GRIK2: variants seen among roughly 807,000 people sequenced by gnomAD.
GRIK2 encodes glutamate ionotropic receptor kainate type subunit 2, also known as glutamate receptor ionotropic, kainate 2.
A neutral mutation model predicts 100.3 loss-of-function variants in GRIK2; 32 were observed. The ratio of observed to expected loss-of-function variants is 0.32; its 90% confidence interval spans 0.24 to 0.43. GRIK2 has a LOEUF of 0.43. Among genes scored for constraint, GRIK2 ranks in the 20% least tolerant of loss-of-function variants. GRIK2 has a pLI of 1.00. For missense variants in GRIK2, 843 were observed against 1,114.9 expected (o/e 0.76, Z 3.47); for synonymous variants, 417 against 389.4 (o/e 1.07, Z -0.83).
At chr6:101,706,575 G>T (rs1773312378) in intron 7 of GRIK2, among the ~76,000 whole-genome samples, 2 of 151,934 alleles carry the variant, frequency 1.3e-5, no homozygotes, top group Admixed American at 6.6e-5. Flanking sequence ...ATATGCCTGT[G>T]AAAGATAAAC....
At position 102,005,695 on chromosome 6, in the gene GRIK2, C is replaced by T. The variant is rs12055471; in HGVS notation, c.2086-29646C>T. ...ATTTAGTCCAGTAAATTTGCTTTTACGCCAAACCTCAAACGTAATCAGTGA... is the reference window on the plus strand; with the variant it reads ...ATTTAGTCCAGTAAATTTGCTTTTATGCCAAACCTCAAACGTAATCAGTGA... On this transcript the variant is annotated intron_variant, in intron 14 of 16. Transcript: ENST00000369134. 5.5e-4 allele frequency among the ~76,000 whole-genome samples: 84 copies of T among 152,160 alleles called. No individual in the cohort carries two copies. The East Asian group carries it at 8.7e-3, about 16-fold the overall frequency.
At chr6:102,044,900 G>A (rs1770800541) in intron 15 of GRIK2, among the ~76,000 whole-genome samples, 1 of 151,830 alleles carries the variant, frequency 6.6e-6, no homozygotes, top group Non-Finnish European at 1.5e-5. Context: ...TTCCTAGGCT[G>A]CCACAGAAAT....
At chr6:101,974,857 T>C (rs1035023968) in intron 14 of GRIK2, among the ~76,000 whole-genome samples, 4 of 151,940 alleles carry the variant, frequency 2.6e-5, no homozygotes, top group African/African-American at 9.7e-5. Flanking sequence ...ATAAAACAGT[T>C]AATCAATCAA....
chr6:101,537,249 A>G (rs113131270), intron 2 of GRIK2, among the ~76,000 whole-genome samples: 1 of 151,844 alleles, frequency 6.6e-6, no homozygotes, highest in African/African-American at 2.4e-5. Flanking sequence ...TGAAAAGGAA[A>G]TTGTATTTTT....
chr6:101,950,778 G>A (rs1582600849), intron 14 of GRIK2, among the ~76,000 whole-genome samples: 1 of 151,844 alleles, frequency 6.6e-6, no homozygotes, highest in South Asian at 2.1e-4. Flanking sequence ...TAACAGTAGT[G>A]GGAGCCAGGA....
chr6:101,705,250 T>G (rs1773184233), intron 7 of GRIK2, among the ~76,000 whole-genome samples: 1 of 151,562 alleles, frequency 6.6e-6, no homozygotes, highest in Non-Finnish European at 1.5e-5. Context: ...CTTGCTTGCT[T>G]AGTAAAGTAA....
intron 10 of GRIK2, among the ~76,000 whole-genome samples, chr6:101,836,160 G>A (rs1205441848): frequency 1.3e-5 from 2 of 151,820 alleles, no homozygotes; most frequent in Non-Finnish European, 2.9e-5. Context: ...TATGTGGCCT[G>A]TATTTTTCCT....
chr6:101,580,900 A>G (rs868578976), intron 2 of GRIK2, among the ~76,000 whole-genome samples: 3 of 152,050 alleles, frequency 2.0e-5, no homozygotes, highest in Admixed American at 6.6e-5. Context: ...GATGATTTGC[A>G]TGATCATTCT....
chr6:101,875,592 G>GT (rs1456770536), intron 11 of GRIK2, among the ~76,000 whole-genome samples: 1 of 151,460 alleles, frequency 6.6e-6, no homozygotes, highest in Non-Finnish European at 1.5e-5. Flanking sequence ...TTTCATTTCT[G>GT]TTTTCTAAAT....
intron 7 of GRIK2, among the ~76,000 whole-genome samples, chr6:101,763,610 C>A (rs1213403767): frequency 6.6e-6 from 1 of 152,120 alleles, no homozygotes; most frequent in Non-Finnish European, 1.5e-5. Context: ...AGGGGAAATT[C>A]TTCTTCTTTG....
chr6:102,059,001 G>A (rs984847293), intron 16 of GRIK2, among the ~76,000 whole-genome samples: 2 of 150,742 alleles, frequency 1.3e-5, no homozygotes, highest in Non-Finnish European at 3.0e-5. Context: ...TTAATTTATG[G>A]GTGAAAATAA....
intron 7 of GRIK2, among the ~76,000 whole-genome samples, chr6:101,736,650 C>A (rs1045158724): frequency 6.6e-6 from 1 of 152,144 alleles, no homozygotes; most frequent in Non-Finnish European, 1.5e-5. Flanking sequence ...ACCCTGGGCC[C>A]GGCCCACAAA....
chr6:101,680,954 C>T (rs1446630864), intron 5 of GRIK2, among the ~76,000 whole-genome samples: 1 of 152,118 alleles, frequency 6.6e-6, no homozygotes, highest in Non-Finnish European at 1.5e-5. Context: ...TTTGATGCCA[C>T]CTTTCATTAA....
At chr6:101,403,271 T>C (rs1315452420) in intron 2 of GRIK2, among the ~76,000 whole-genome samples, 1 of 152,182 alleles carries the variant, frequency 6.6e-6, no homozygotes, top group Non-Finnish European at 1.5e-5. Context: ...ATCTCCAAGG[T>C]TTCCTTGCCG....
chr6:101,668,276 T>G (rs1770177488), intron 4 of GRIK2, among the ~76,000 whole-genome samples: 1 of 152,086 alleles, frequency 6.6e-6, no homozygotes, highest in South Asian at 2.1e-4. Flanking sequence ...ACAGAAAAAA[T>G]CCGCATCACC....
chr6:101,643,846 T>C (rs1781397805), intron 4 of GRIK2, among the ~76,000 whole-genome samples: 3 of 151,848 alleles, frequency 2.0e-5, no homozygotes, highest in African/African-American at 7.2e-5. Flanking sequence ...CCAAGGAAAT[T>C]TGAGTTATAC....
At chr6:101,536,149 G>A (rs978516217) in intron 2 of GRIK2, among the ~76,000 whole-genome samples, 1 of 151,592 alleles carries the variant, frequency 6.6e-6, no homozygotes, top group African/African-American at 2.4e-5. Context: ...TTGTGTATGT[G>A]TGTGAACTTG....
chr6:101,777,838 C>T (rs1778846901), intron 7 of GRIK2, among the ~76,000 whole-genome samples: 1 of 152,122 alleles, frequency 6.6e-6, no homozygotes. Flanking sequence ...TAAATGTGTT[C>T]AAGGAACTGT....
At chr6:102,037,996 T>C (rs755551374) in intron 15 of GRIK2, among the ~76,000 whole-genome samples, 2 of 151,512 alleles carry the variant, frequency 1.3e-5, no homozygotes, top group Non-Finnish European at 3.0e-5. Context: ...TGCAGTATTC[T>C]GCACACTGAT....
Sources: allele counts gnomAD v4.1 joint callset (sites outside exome capture counted in the v4.1 genomes callset), GRCh38; gene constraint gnomAD v4.1.1; transcripts MANE v1.5; gene names NCBI Gene and HGNC (gene_info 2026-07-23, HGNC 2026-07-21).